The following XXYLT1 variants were observed in gnomAD, a reference collection of about 807,000 sequenced individuals.
XXYLT1 encodes xyloside xylosyltransferase 1, also known as UDP-xylose:alpha-xyloside alpha-1,3-xylosyltransferase.
A neutral mutation model predicts 28.9 loss-of-function variants in XXYLT1; 20 were observed. The observed-to-expected ratio is 0.69, with a 90% confidence interval of 0.49 to 1.00. The LOEUF (loss-of-function observed/expected upper bound fraction) is 1.00, where lower values mean the gene tolerates loss of function less well. Ranked by LOEUF, XXYLT1 falls within the 50% of genes least tolerant of loss-of-function variation. The pLI is 0.00. For missense variants in XXYLT1, 542 were observed against 560.1 expected (o/e 0.97, Z 0.33); for synonymous variants, 257 against 253.8 (o/e 1.01, Z -0.12).
intron 3 of XXYLT1, among the ~76,000 whole-genome samples, chr3:195,084,042 G>A (rs886801537): frequency 6.6e-6 from 1 of 151,968 alleles, no homozygotes; most frequent in Non-Finnish European, 1.5e-5. Context: ...AAAAAAAAGT[G>A]ATGTGCTGAT....
At chr3:195,155,713 CA>C (rs1720550997) in intron 3 of XXYLT1, among the ~76,000 whole-genome samples, 1 of 151,708 alleles carries the variant, frequency 6.6e-6, no homozygotes, top group African/African-American at 2.4e-5. Context: ...TCTCCTTTCC[CA>C]TTCTCCGCAC....
At chr3:195,249,921 T>G (rs1300987531) in intron 1 of XXYLT1, among the ~76,000 whole-genome samples, 1 of 151,900 alleles carries the variant, frequency 6.6e-6, no homozygotes, top group Non-Finnish European at 1.5e-5. Context: ...CACCACAGCT[T>G]CCCCAGGCCA....
At chr3:195,112,411 C>T (rs767444094) in intron 3 of XXYLT1, among the ~76,000 whole-genome samples, 26 of 146,484 alleles carry the variant, frequency 1.8e-4, no homozygotes, top group Admixed American at 4.2e-4. Context: ...TGCGCACGTG[C>T]GCGCACACAC....
At chr3:195,177,516 G>T (rs1003517473) in intron 2 of XXYLT1, among the ~76,000 whole-genome samples, 1 of 152,184 alleles carries the variant, frequency 6.6e-6, no homozygotes, top group Non-Finnish European at 1.5e-5. Flanking sequence ...ACCTGGTGGG[G>T]TAGGATCAAT....
At chr3:195,259,509 G>T (rs1332541746) in intron 1 of XXYLT1, 16 of 950,982 alleles carry the variant, frequency 1.7e-5, no homozygotes, top group Non-Finnish European at 2.0e-5. Context: ...TTCGGGCCCT[G>T]CCAGGCGGCC....
intron 3 of XXYLT1, among the ~76,000 whole-genome samples, chr3:195,086,782 C>T (rs1715752758): frequency 6.6e-6 from 1 of 151,982 alleles, no homozygotes; most frequent in African/African-American, 2.4e-5. Context: ...TTAGGAGATA[C>T]TTAGCAGGTG....
At chr3:195,191,606 C>T (rs1722422486) in intron 2 of XXYLT1, among the ~76,000 whole-genome samples, 1 of 152,128 alleles carries the variant, frequency 6.6e-6, no homozygotes, top group Admixed American at 6.5e-5. Flanking sequence ...GGGCCAACTG[C>T]ATAAACTATC....
At position 195,133,934 on chromosome 3, in the gene XXYLT1, G is replaced by T. The variant is rs1456619241; in HGVS notation, c.785+22515C>A. Reference sequence around the variant, plus strand: ...AAAGAAAAAGTATTTACTTTTGGCTGGGTGTGGAGGCTCATGCCTGTAATC... The same window carrying T: ...AAAGAAAAAGTATTTACTTTTGGCTTGGTGTGGAGGCTCATGCCTGTAATC... On this transcript the variant is annotated intron_variant, in intron 3 of 3. Transcript: ENST00000310380. The surrounding 1 kb of genome is among the most constrained non-coding windows in gnomAD (Gnocchi z 4.4). Among the ~76,000 whole-genome samples, 1 of 152,204 alleles carries T rather than the reference G, an allele frequency of 6.6e-6. No homozygotes were observed. The highest frequency in any genetic ancestry group is 2.4e-5 in the African/African-American group (1 of 41,440).
At chr3:195,191,297 C>T (rs192698635) in intron 2 of XXYLT1, among the ~76,000 whole-genome samples, 10 of 152,296 alleles carry the variant, frequency 6.6e-5, no homozygotes, top group African/African-American at 2.4e-4. Flanking sequence ...CTCCTTTTCT[C>T]TTTCTTCTCA....
At chr3:195,244,313 G>A (rs962982946) in intron 1 of XXYLT1, among the ~76,000 whole-genome samples, 16 of 152,172 alleles carry the variant, frequency 1.1e-4, no homozygotes, top group African/African-American at 2.7e-4. Context: ...CTTCACCCTC[G>A]CTGCAAGGAG....
intron 2 of XXYLT1, among the ~76,000 whole-genome samples, chr3:195,196,354 T>C (rs1290622284): frequency 6.6e-6 from 1 of 152,244 alleles, no homozygotes; most frequent in Non-Finnish European, 1.5e-5. Context: ...TCCCTAGCCC[T>C]GTGGCACTCA....
rs1003563711 is a variant in XXYLT1, at chr3:195,257,243, T to C, written c.504+13312A>G. Among the ~76,000 whole-genome samples the C allele has an allele frequency of 2.0e-5, 3 of 152,154 alleles. No individual in the cohort carries two copies. Among genetic ancestry groups the C allele is most frequent in the Non-Finnish European group, 4.4e-5 (3 of 68,026 alleles). On this transcript the variant is annotated intron_variant, in intron 1 of 3. Coordinates refer to ENST00000310380, the MANE Select transcript of XXYLT1 (RefSeq NM_152531.5). The surrounding 1 kb of genome is among the most constrained non-coding windows in gnomAD (Gnocchi z 4.3). Reference sequence around the variant, plus strand: ...ACTCACACCCCACTGCCCACCGTGTTGGCATCCAGCTCCTCCAGTGTGCGA... The same window carrying C: ...ACTCACACCCCACTGCCCACCGTGTCGGCATCCAGCTCCTCCAGTGTGCGA...
intron 3 of XXYLT1, among the ~76,000 whole-genome samples, chr3:195,123,352 C>A (rs539308208): frequency 6.6e-6 from 1 of 152,206 alleles, no homozygotes; most frequent in Non-Finnish European, 1.5e-5. Context: ...GCAAGCCCCC[C>A]TCTCCTGGCC....
rs1235239424 is a variant in XXYLT1 at position 195,256,225 on chromosome 3, T to C, written c.504+14330A>G. Among the ~76,000 whole-genome samples, 1 of 152,182 alleles carries C rather than the reference T, an allele frequency of 6.6e-6. No individual in the cohort carries two copies. The highest frequency in any genetic ancestry group is 1.5e-5 in the Non-Finnish European group (1 of 68,020). ...CAAGCTCATCTGTGCAGCCTCTTCC[T>C]AGGGGAGACTAGCTACCCCTCACAG... On this transcript the variant is annotated intron_variant, in intron 1 of 3. Transcript: ENST00000310380. The surrounding 1 kb of genome is among the most constrained non-coding windows in gnomAD (Gnocchi z 4.2).
chr3:195,252,389 G>T (rs913930169), intron 1 of XXYLT1, among the ~76,000 whole-genome samples: 1 of 152,114 alleles, frequency 6.6e-6, no homozygotes, highest in Non-Finnish European at 1.5e-5. Context: ...TTACACAGTA[G>T]AAACAAAGAT....
At chr3:195,134,866 T>TGTGTGTGC (rs1381881729) in intron 3 of XXYLT1, among the ~76,000 whole-genome samples, 5 of 93,576 alleles carry the variant, frequency 5.3e-5, no homozygotes, top group African/African-American at 1.8e-4. Context: ...TGTGTGTGTG[T>TGTGTGTGC]GTGCGTGTGC....
chr3:195,187,513 C>T lies in XXYLT1; in HGVS notation c.653-30932G>A, dbSNP rs577732758. Among the ~76,000 whole-genome samples the T allele has an allele frequency of 1.6e-4, 25 of 152,298 alleles. No homozygotes were observed. In the South Asian group the frequency reaches 5.0e-3, roughly 30 times the overall value. On this transcript the variant is annotated intron_variant, in intron 2 of 3. Transcript: ENST00000310380. ...AGTGCTATGAGGAGCCCTAAGAATA[C>T]AGTCAATCAATCAGACAGGCAATCT...
intron 3 of XXYLT1, among the ~76,000 whole-genome samples, chr3:195,084,447 CA>C (rs1254161553): frequency 6.6e-6 from 1 of 152,158 alleles, no homozygotes; most frequent in Non-Finnish European, 1.5e-5. Flanking sequence ...GCCACCTGGG[CA>C]AGGCTGCCCA....
chr3:195,090,926 G>A (rs1237936321), intron 3 of XXYLT1, among the ~76,000 whole-genome samples: 53 of 151,890 alleles, frequency 3.5e-4, no homozygotes, highest in Middle Eastern at 3.4e-3. Flanking sequence ...AGAAAACCTA[G>A]AAGAAATGGA....
Sources: gnomAD v4.1 joint callset for allele counts (sites outside exome capture counted in the v4.1 genomes callset) on GRCh38, gnomAD v4.1.1 for gene constraint, Gnocchi (gnomAD v3.1) non-coding constraint, MANE v1.5 for transcripts, NCBI Gene and HGNC (gene_info 2026-07-23, HGNC 2026-07-21) for gene names.